The following PBX1 variants were observed in gnomAD, a reference collection of about 807,000 sequenced individuals.
PBX1 encodes pre-B-cell leukemia transcription factor 1.
Under a neutral mutation model 53.4 loss-of-function variants are expected in PBX1, and 6 were observed. The ratio of observed to expected loss-of-function variants is 0.11; its 90% CI spans 0.06 to 0.22. The LOEUF (loss-of-function observed/expected upper bound fraction) is 0.22, where lower values mean the gene tolerates loss of function less well. Ranked by LOEUF, PBX1 falls within the 10% of genes least tolerant of loss-of-function variation. The probability of loss-of-function intolerance (pLI) is 1.00; values close to 1 mark genes in which losing one functional copy is unlikely to be tolerated. For synonymous variants in PBX1, 204 were observed against 212.3 expected, an observed-to-expected ratio of 0.96 and a Z score of 0.34; for missense variants, 251 against 551.4, an observed-to-expected ratio of 0.46 and a Z score of 5.46.
chr1:164,774,921 A>C (rs1034422366), intron 2 of PBX1, among the ~76,000 whole-genome samples: 7 of 152,170 alleles, frequency 4.6e-5, no homozygotes, highest in African/African-American at 1.7e-4. Context: ...GCTGTAATTC[A>C]AGCCTGCTAA....
chr1:164,864,290 A>G (rs1672166369), intron 2 of PBX1, among the ~76,000 whole-genome samples: 1 of 152,162 alleles, frequency 6.6e-6, no homozygotes, highest in South Asian at 2.1e-4. Flanking sequence ...TTCAGCCTCC[A>G]GTGCCATTCA....
intron 2 of PBX1, among the ~76,000 whole-genome samples, chr1:164,718,530 G>A (rs1269113663): frequency 1.3e-5 from 2 of 152,208 alleles, no homozygotes; most frequent in African/African-American, 2.4e-5. Flanking sequence ...GACAAATGGA[G>A]TGTTCAAAAT....
At chr1:164,816,220 A>G (rs1215086661) in intron 6 of PBX1, 4 of 152,184 alleles carry the variant, frequency 2.6e-5, no homozygotes, top group Non-Finnish European at 5.9e-5. Flanking sequence ...ACCAGACAAC[A>G]CTTTACTCTT....
At chr1:164,658,523 C>A (rs1159608069) in intron 2 of PBX1, among the ~76,000 whole-genome samples, 1 of 152,170 alleles carries the variant, frequency 6.6e-6, no homozygotes, top group Non-Finnish European at 1.5e-5. Context: ...GGCACTACAG[C>A]TTTTTCTCTG....
At position 164,783,426 on chromosome 1, in the gene PBX1, A is replaced by G. The variant is rs1202195345; in HGVS notation, c.266-9068A>G. On this transcript the variant is annotated intron_variant, in intron 2 of 8. Transcript: ENST00000420696. The stretch of plus-strand genomic sequence containing the variant: ...TTTGTGTGCGTGCGTGTATGTGTGT[A>G]TGTATATTCTTGGCTTATCCTGGTT... 2.0e-5 allele frequency among the ~76,000 whole-genome samples: 3 copies of G among 151,986 alleles called. No individual in the cohort carries two copies. The East Asian group carries it at 5.8e-4, about 29-fold the overall frequency.
At chr1:164,744,045 G>A (rs1665764016) in intron 2 of PBX1, among the ~76,000 whole-genome samples, 1 of 152,130 alleles carries the variant, frequency 6.6e-6, no homozygotes, top group South Asian at 2.1e-4. Flanking sequence ...GGACACGATT[G>A]ATTAGTCTTG....
At chr1:164,721,887 T>C (rs982120492) in intron 2 of PBX1, among the ~76,000 whole-genome samples, 4 of 152,210 alleles carry the variant, frequency 2.6e-5, no homozygotes, top group African/African-American at 9.6e-5. Context: ...GGCTATATTC[T>C]AGGCACTGAG....
At chr1:164,860,629 T>C (rs990681894) in intron 2 of PBX1, among the ~76,000 whole-genome samples, 2 of 152,184 alleles carry the variant, frequency 1.3e-5, no homozygotes, top group African/African-American at 4.8e-5. Flanking sequence ...CAGGTGTCCA[T>C]GTCTTCTATG....
intron 2 of PBX1, chr1:164,682,224 A>G (rs1227143429): frequency 2.0e-5 from 3 of 152,248 alleles, no homozygotes; most frequent in South Asian, 2.1e-4. Flanking sequence ...TGCATTACTA[A>G]TTCAGACAGG....
At chr1:164,861,798 G>A (rs964234602) in intron 2 of PBX1, among the ~76,000 whole-genome samples, 1 of 152,186 alleles carries the variant, frequency 6.6e-6, no homozygotes, top group Non-Finnish European at 1.5e-5. Context: ...GGTTATCTGA[G>A]AAGAGTATTC....
chr1:164,849,325 C>G lies in PBX1; in HGVS notation c.*2649C>G. The stretch of plus-strand genomic sequence containing the variant: ...TTCCCCAACCAGCATTTCACTTAGT[C>G]TTCTCTATACCCAGCACCTCCCCCG... On this transcript the variant is annotated 3_prime_UTR_variant, in exon 9 of 9. Coordinates refer to ENST00000420696, the MANE Select transcript of PBX1 (RefSeq NM_002585.4). The G allele has an allele frequency of 6.5e-7, 1 of 1,535,536 alleles. No individual in the cohort carries two copies. Among genetic ancestry groups the G allele is most frequent in the Non-Finnish European group, 8.7e-7 (1 of 1,146,700 alleles).
At chr1:164,571,584 T>A (rs1242249517) in intron 2 of PBX1, among the ~76,000 whole-genome samples, 1 of 128,898 alleles carries the variant, frequency 7.8e-6, no homozygotes, top group Non-Finnish European at 1.5e-5. Flanking sequence ...GCTTATTCAT[T>A]ATTCAGTTGC....
At chr1:164,818,775 T>C (rs993482284) in intron 6 of PBX1, 1 of 151,834 alleles carries the variant, frequency 6.6e-6, no homozygotes, top group African/African-American at 2.4e-5. Context: ...TGTCAGAGTT[T>C]AGAGTTCATC....
chr1:164,829,583 A>G (rs1670648773), intron 8 of PBX1: 1 of 152,146 alleles, frequency 6.6e-6, no homozygotes, highest in Non-Finnish European at 1.5e-5. Context: ...CAAAGAAAAC[A>G]CATGGGCACA....
intron 2 of PBX1, among the ~76,000 whole-genome samples, chr1:164,575,811 T>C (rs1043896492): frequency 6.6e-6 from 1 of 151,626 alleles, no homozygotes; most frequent in African/African-American, 2.4e-5. Context: ...ATCTTTCCTT[T>C]GTGCATCCTC....
At chr1:164,875,402 A>G (rs1489643008) in intron 2 of PBX1, among the ~76,000 whole-genome samples, 1 of 152,144 alleles carries the variant, frequency 6.6e-6, no homozygotes, top group East Asian at 1.9e-4. Flanking sequence ...TCTTGGGCTC[A>G]AGAGATCCTC....
At chr1:164,685,491 T>C (rs1033203327) in intron 2 of PBX1, among the ~76,000 whole-genome samples, 3 of 152,198 alleles carry the variant, frequency 2.0e-5, no homozygotes, top group African/African-American at 7.2e-5. Flanking sequence ...AGTGAACATC[T>C]GAGCCAGATT....
intron 2 of PBX1, among the ~76,000 whole-genome samples, chr1:164,878,963 C>A (rs1672580501): frequency 6.6e-6 from 1 of 152,170 alleles, no homozygotes; most frequent in South Asian, 2.1e-4. Flanking sequence ...CTTAAGTGTT[C>A]TTTGTATGAG....
At chr1:164,846,434 C>A in intron 8 of PBX1, 150 bp from the exon 9 acceptor site, 1 of 702,796 alleles carries the variant, frequency 1.4e-6, no homozygotes, top group Non-Finnish European at 2.6e-6. Context: ...GCAATATTAT[C>A]ACCCACAGTA....
Sources: allele counts gnomAD v4.1 joint callset (sites outside exome capture counted in the v4.1 genomes callset), GRCh38; gene constraint gnomAD v4.1.1; transcripts MANE v1.5; gene names NCBI Gene and HGNC (gene_info 2026-07-23, HGNC 2026-07-21).